DEFB116: variants seen among roughly 807,000 people sequenced by gnomAD.
DEFB116 encodes the protein beta-defensin 116.
In DEFB116, 5 loss-of-function variants were observed where a neutral mutation model predicts 2.8. The ratio of observed to expected loss-of-function variants is 1.80; its 90% CI spans 0.94 to 3.79. DEFB116 has a LOEUF of 3.79. Ranked by LOEUF, DEFB116 falls within the 30% of genes most tolerant of loss-of-function variation. DEFB116 has a pLI of 0.00. For synonymous variants in DEFB116, 56 were observed against 40.8 expected (o/e 1.37, Z -1.42); for missense variants, 170 against 118.0 (o/e 1.44, Z -2.04).
At chr20:31,305,337 G>T (rs955847851) in intron 1 of DEFB116, among the ~76,000 whole-genome samples, 4 of 152,078 alleles carry the variant, frequency 2.6e-5, no homozygotes, top group African/African-American at 9.7e-5. Flanking sequence ...CTGGAGGGCA[G>T]TTGGAGACCC....
intron 1 of DEFB116, 42 bp from the exon 2 acceptor site, chr20:31,303,495 A>C (rs746295522): frequency 6.2e-7 from 1 of 1,604,896 alleles, no homozygotes; most frequent in South Asian, 1.1e-5. Flanking sequence ...TGCAGCAGTG[A>C]TAATAGGGTG....
intron 1 of DEFB116, among the ~76,000 whole-genome samples, chr20:31,303,722 T>C (rs573594850): frequency 3.2e-4 from 48 of 152,146 alleles, no homozygotes; most frequent in Non-Finnish European, 5.7e-4. Context: ...GGTTCATGTA[T>C]GTAGTATTTT....
At chr20:31,304,594 T>A (rs1984951295) in intron 1 of DEFB116, among the ~76,000 whole-genome samples, 1 of 152,092 alleles carries the variant, frequency 6.6e-6, no homozygotes, top group South Asian at 2.1e-4. Context: ...TTTCTCTCTG[T>A]GTCACATTGC....
intron 1 of DEFB116, among the ~76,000 whole-genome samples, chr20:31,305,968 C>T (rs1406664187): frequency 1.3e-5 from 2 of 152,058 alleles, no homozygotes; most frequent in African/African-American, 4.8e-5. Context: ...TTCTGCCTAG[C>T]CTTCTCACAT....
intron 1 of DEFB116, 58 bp from the exon 2 acceptor site, chr20:31,303,511 G>C: frequency 6.3e-6 from 10 of 1,593,240 alleles, no homozygotes; most frequent in Non-Finnish European, 8.5e-6. Context: ...GGGTGATGAA[G>C]CATGATTTAA....
chr20:31,306,539 G>A (rs1347765649), intron 1 of DEFB116, among the ~76,000 whole-genome samples: 3 of 152,094 alleles, frequency 2.0e-5, no homozygotes, highest in African/African-American at 7.2e-5. Context: ...AAACCCACTT[G>A]TGTTTTCTAC....
chr20:31,303,624 G>A (rs756847740), intron 1 of DEFB116, among the ~76,000 whole-genome samples, 171 bp from the exon 2 acceptor site: 22 of 152,106 alleles, frequency 1.4e-4, no homozygotes, highest in African/African-American at 4.8e-4. Flanking sequence ...CCTCAAGCAA[G>A]TTACTTCAGC....
At chr20:31,305,781 A>T (rs907655554) in intron 1 of DEFB116, among the ~76,000 whole-genome samples, 3 of 152,054 alleles carry the variant, frequency 2.0e-5, no homozygotes, top group African/African-American at 7.2e-5. Flanking sequence ...TGTTTGTGTA[A>T]AAAAGAGGTT....
intron 1 of DEFB116, 122 bp downstream of exon 1, chr20:31,308,397 C>T (rs1289538953): frequency 7.7e-6 from 7 of 904,576 alleles, no homozygotes; most frequent in Admixed American, 5.8e-5. Flanking sequence ...CTGTGACCCA[C>T]CTGAGACCAG....
rs1047484811 is a variant in DEFB116, at chr20:31,305,479, A to T, written c.68-2026T>A. Among the ~76,000 whole-genome samples, 20 of 152,216 alleles carry T rather than the reference A, an allele frequency of 1.3e-4. No individual in the cohort carries two copies. The East Asian group carries it at 1.4e-3, about 10-fold the overall frequency. On this transcript the variant is annotated intron_variant, in intron 1 of 1. Coordinates refer to ENST00000400549, the MANE Select transcript of DEFB116 (RefSeq NM_001037731.1). ...ATTCTGCCTACAGTGATTTAAATAA[A>T]TTTTTTAAATAAAAATAAAGATTTT... is the stretch of plus-strand genomic sequence containing the variant.
chr20:31,305,932 G>A (rs1173378080), intron 1 of DEFB116, among the ~76,000 whole-genome samples: 1 of 152,044 alleles, frequency 6.6e-6, no homozygotes, highest in Non-Finnish European at 1.5e-5. Flanking sequence ...ATACTAATGG[G>A]CTCCTGTTTG....
chr20:31,303,387 C>G lies in DEFB116; in HGVS notation c.134G>C (p.Gly45Ala), dbSNP rs367555948. 1.2e-4 allele frequency: 196 copies of G among 1,613,474 alleles called. No homozygotes were observed. Among genetic ancestry groups the G allele is most frequent in the East Asian group, 2.7e-4 (12 of 44,886 alleles). The change falls in exon 2 of 2, where the codon GGC becomes GCC. Residue 45 changes from glycine to alanine, a missense_variant. By Grantham distance (60) the Gly-to-Ala change is moderately conservative. Coordinates refer to ENST00000400549, the MANE Select transcript of DEFB116 (RefSeq NM_001037731.1). ...EPWNPCELYQGMCRNACREYE... is the reference protein window; with the variant it reads ...EPWNPCELYQAMCRNACREYE... ...TTCTCTGCAGGCGTTTCTGCACATGCCTTGGTAAAGCTCACATGGATTCCA... is the reference window on the plus strand; with the variant it reads ...TTCTCTGCAGGCGTTTCTGCACATGGCTTGGTAAAGCTCACATGGATTCCA...
chr20:31,303,224 G>A lies in DEFB116; in HGVS notation c.297C>T (p.Tyr99=). Reference sequence around the variant, plus strand: ...ACGTTGGTGATATTCAAATGTGAGAGTAGCTTGAACTGTTTGTAACTGACA... The same window carrying A: ...ACGTTGGTGATATTCAAATGTGAGAATAGCTTGAACTGTTTGTAACTGACA... ...SNLSVTNSSS[Y]SHI The change falls in exon 2 of 2, where the codon TAC becomes TAT. Residue 99 remains tyrosine (Y), a synonymous_variant. Coordinates refer to ENST00000400549, the MANE Select transcript of DEFB116 (RefSeq NM_001037731.1). 6.2e-7 allele frequency: 1 copy of A among 1,613,324 alleles called. No individual in the cohort carries two copies. The highest frequency in any genetic ancestry group is 1.1e-5 in the South Asian group (1 of 91,056).
At chr20:31,306,202 A>G (rs2122450068) in intron 1 of DEFB116, among the ~76,000 whole-genome samples, 1 of 152,276 alleles carries the variant, frequency 6.6e-6, no homozygotes, top group African/African-American at 2.4e-5. Context: ...TATGTTTATT[A>G]GCCATGATTC....
chr20:31,307,565 G>C (rs6058531), intron 1 of DEFB116, among the ~76,000 whole-genome samples: 120,552 of 152,006 alleles, frequency 0.79, 47,922 homozygotes, highest in Non-Finnish European at 0.83. Flanking sequence ...AATAAACAAG[G>C]GGATTGCAGC....
At position 31,303,464 on chromosome 20, in the gene DEFB116, C is replaced by CATGGCCAT. The variant is rs759193785; in HGVS notation, c.68-19_68-12dup. 2 of 1,612,564 alleles carry CATGGCCAT rather than the reference C, an allele frequency of 1.2e-6. No homozygotes were observed. The highest frequency in any genetic ancestry group is 4.5e-5 in the East Asian group (2 of 44,852). ...ATCTGAACAGGCCACCTGGGAAAGA[C>CATGGCCAT]ATGGCCATGTTTAGTTTCCATGCAG... is the stretch of plus-strand genomic sequence containing the variant. On this transcript the variant is annotated splice_polypyrimidine_tract_variant and intron_variant, in intron 1 of 1. Coordinates refer to ENST00000400549, the MANE Select transcript of DEFB116 (RefSeq NM_001037731.1).
At chr20:31,308,443 G>A in intron 1 of DEFB116, 76 bp downstream of exon 1, 1 of 1,438,634 alleles carries the variant, frequency 7.0e-7, no homozygotes, top group East Asian at 2.3e-5. Context: ...TATGTGAGTA[G>A]GAGTCACTGC....
rs151296379 is a variant in DEFB116 at position 31,305,609 on chromosome 20, T to C, written c.68-2156A>G. ...CACATCAAATTAATGTTAACTTTGA[T>C]AATCTCTCCATCTTCCGATTGAAGT... On this transcript the variant is annotated intron_variant, in intron 1 of 1. Coordinates refer to ENST00000400549, the MANE Select transcript of DEFB116 (RefSeq NM_001037731.1). 3.3e-4 allele frequency among the ~76,000 whole-genome samples: 50 copies of C among 152,216 alleles called. 1 individual carries two copies. The East Asian group carries it at 9.7e-3, about 29-fold the overall frequency.
chr20:31,303,338 G>C lies in DEFB116; in HGVS notation c.183C>G (p.Cys61Trp). ...CREYEIQYLT[C>W]PNDQKCCLKL... The stretch of plus-strand genomic sequence containing the variant: ...TCAGGCAGCACTTTTGATCATTTGG[G>C]CAGGTTAAGTATTGGATTTCATATT... Residue 61 changes from cysteine to tryptophan, a missense_variant, in exon 2 of 2, where the codon TGC becomes TGG. Physicochemically the swap from Cys to Trp is radical, Grantham distance 215 (BLOSUM62 -2). Transcript: ENST00000400549. The C allele has an allele frequency of 6.2e-7, 1 of 1,613,570 alleles. No individual in the cohort carries two copies. Among genetic ancestry groups the C allele is most frequent in the African/African-American group, 1.3e-5 (1 of 74,992 alleles).
Sources: allele counts gnomAD v4.1 joint callset (sites outside exome capture counted in the v4.1 genomes callset), GRCh38; gene constraint gnomAD v4.1.1; transcripts MANE v1.5; gene names NCBI Gene and HGNC (gene_info 2026-07-23, HGNC 2026-07-21).